The following LIMK1 variants were observed in gnomAD, a reference collection of about 807,000 sequenced individuals.
LIMK1 encodes the protein LIM domain kinase 1, also known as LIM motif-containing protein kinase.
A neutral mutation model predicts 77.6 loss-of-function variants in LIMK1; 21 were observed. That is an observed-to-expected ratio of 0.27 (90% CI 0.19 to 0.39). The LOEUF (loss-of-function observed/expected upper bound fraction) is 0.39. Ranked by LOEUF, LIMK1 falls within the 10% of genes least tolerant of loss-of-function variation. The pLI is 1.00. For synonymous variants in LIMK1, 358 were observed against 370.0 expected, an observed-to-expected ratio of 0.97 and a Z score of 0.37; for missense variants, 696 against 901.6, an observed-to-expected ratio of 0.77 and a Z score of 2.92.
chr7:74,092,399 C>T (rs573153726), intron 2 of LIMK1, among the ~76,000 whole-genome samples: 43 of 152,300 alleles, frequency 2.8e-4, no homozygotes, highest in African/African-American at 1.0e-3. Context: ...CTGCAGGCTG[C>T]TGGAGGGCTC....
Position 74,083,977 on chromosome 7 carries a change from C to A in LIMK1, c.-14C>A, listed in dbSNP as rs1478757952. ...CAGCCCCAGCCCCGCCGGGCCCCGC[C>A]CCCCGTCGAGTGCATGAGGTTGACG... On this transcript the variant is annotated 5_prime_UTR_variant, in exon 1 of 16. Transcript: ENST00000336180. The A allele has an allele frequency of 3.8e-6, 5 of 1,332,048 alleles. No individual in the cohort carries two copies. The highest frequency in any genetic ancestry group is 4.9e-6 in the Non-Finnish European group (5 of 1,019,028). 82.5% of individuals were successfully genotyped at this position (1,332,048 alleles called of 1,614,324 possible). A position where few individuals can be genotyped will look rare whatever the true frequency, so the allele number is the denominator to read the frequency against.
rs556732425 is a variant in LIMK1 at position 74,121,518 on chromosome 7, C to T, written c.*217C>T. The T allele has an allele frequency of 2.0e-5, 11 of 551,626 alleles. No individual in the cohort carries two copies. The highest frequency in any genetic ancestry group is 8.9e-5 in the East Asian group (3 of 33,528). 34.2% of individuals were successfully genotyped at this position (551,626 alleles called of 1,614,324 possible). On this transcript the variant is annotated 3_prime_UTR_variant, in exon 16 of 16. Coordinates refer to ENST00000336180, the MANE Select transcript of LIMK1 (RefSeq NM_002314.4). ...CAGCTGCACACACACACCATGCTCT[C>T]GCCCTGCTGTAACCTCTGTCTTGGC...
chr7:74,116,265 G>A (rs1447792879), intron 13 of LIMK1, among the ~76,000 whole-genome samples: 2 of 36,440 alleles, frequency 5.5e-5, no homozygotes, highest in South Asian at 1.2e-3. Context: ...GCATGGTGGT[G>A]GGTGTAATCC....
rs782157606 is a variant in LIMK1 at position 74,099,001 on chromosome 7, T to C, written c.402-31T>C. On this transcript the variant is annotated intron_variant, in intron 4 of 15. Transcript: ENST00000336180. ...CTGAAATTGATGACGCCCTTGACAC[T>C]CTTTTCTTCCCACCCCGGCGGCTCT... is the stretch of plus-strand genomic sequence containing the variant. 5.7e-6 allele frequency: 9 copies of C among 1,575,660 alleles called. 1 individual carries two copies. The highest frequency in any genetic ancestry group is 7.8e-6 in the Non-Finnish European group (9 of 1,155,532).
intron 4 of LIMK1, 69 bp from the exon 5 acceptor site, chr7:74,098,963 G>T: frequency 7.7e-7 from 1 of 1,294,400 alleles, no homozygotes; most frequent in Non-Finnish European, 1.1e-6. Context: ...TGGGGCTGGG[G>T]GCTGCAGAGA....
In LIMK1 at chr7:74,121,335, CTG is replaced by C; in HGVS notation, c.*35_*36del. ...CACTCAGCTGCCCCTGTCCCCACCT[CTG>C]GAGAATCCACCCCCACCAGATTCCT... On this transcript the variant is annotated 3_prime_UTR_variant, in exon 16 of 16. Coordinates refer to ENST00000336180, the MANE Select transcript of LIMK1 (RefSeq NM_002314.4). The C allele has an allele frequency of 6.6e-7, 1 of 1,520,432 alleles. No individual in the cohort carries two copies. Among genetic ancestry groups the C allele is most frequent in the Non-Finnish European group, 8.8e-7 (1 of 1,133,772 alleles). 94.2% of individuals were successfully genotyped at this position (1,520,432 alleles called of 1,614,324 possible). A position where few individuals can be genotyped will look rare whatever the true frequency, so the allele number is the denominator to read the frequency against.
chr7:74,112,749 C>T (rs1453528518), intron 12 of LIMK1, among the ~76,000 whole-genome samples: 2 of 151,806 alleles, frequency 1.3e-5, no homozygotes, highest in Non-Finnish European at 2.9e-5. Flanking sequence ...GGTGTGAACC[C>T]GGGAGGCGGA....
chr7:74,116,467 C>G (rs545302522), intron 13 of LIMK1, among the ~76,000 whole-genome samples: 1 of 152,044 alleles, frequency 6.6e-6, no homozygotes, highest in Non-Finnish European at 1.5e-5. Flanking sequence ...TCATACAGTT[C>G]TGGAGTCTGA....
chr7:74,088,525 G>T (rs1253372807), intron 2 of LIMK1, among the ~76,000 whole-genome samples: 1 of 152,098 alleles, frequency 6.6e-6, no homozygotes, highest in Admixed American at 6.6e-5. Flanking sequence ...GTCAGGATGG[G>T]GGTGGTGGCT....
chr7:74,091,028 C>T (rs1554694704), intron 2 of LIMK1, among the ~76,000 whole-genome samples: 1 of 152,188 alleles, frequency 6.6e-6, no homozygotes, highest in African/African-American at 2.4e-5. Context: ...ATTCTCCTGC[C>T]TCAGCCTCCC....
chr7:74,106,759 C>CA (rs1183112855), intron 7 of LIMK1, among the ~76,000 whole-genome samples: 12 of 150,390 alleles, frequency 8.0e-5, no homozygotes, highest in Non-Finnish European at 1.2e-4. Flanking sequence ...GACTCTGTCT[C>CA]AAAAAAAAAG....
At position 74,108,985 on chromosome 7, in the gene LIMK1, C is replaced by T. The variant is rs782652593; in HGVS notation, c.1233C>T (p.Phe411=). 6 of 1,613,998 alleles carry T rather than the reference C, an allele frequency of 3.7e-6. No homozygotes were observed. Among genetic ancestry groups the T allele is most frequent in the Non-Finnish European group, 5.1e-6 (6 of 1,180,022 alleles). The part of the protein sequence containing the change: ...GVLYKDKRLN[F]ITEYIKGGTL... Reference sequence around the variant, plus strand: ...TCTACAAGGACAAGAGGCTCAACTTCATCACTGAGTACATCAAGGGCGGCA... The same window carrying T: ...TCTACAAGGACAAGAGGCTCAACTTTATCACTGAGTACATCAAGGGCGGCA... Residue 411 remains phenylalanine (F), a synonymous_variant, in exon 10 of 16, where the codon TTC becomes TTT. Transcript: ENST00000336180.
At chr7:74,114,528 G>C (rs1323004437) in intron 12 of LIMK1, among the ~76,000 whole-genome samples, 1 of 149,362 alleles carries the variant, frequency 6.7e-6, no homozygotes, top group Non-Finnish European at 1.5e-5. Context: ...TCCAGCCTGG[G>C]CCACGGGAGG....
chr7:74,116,344 G>C (rs1799811740), intron 13 of LIMK1, among the ~76,000 whole-genome samples: 1 of 152,136 alleles, frequency 6.6e-6, no homozygotes, highest in South Asian at 2.1e-4. Flanking sequence ...AACCTGGGAG[G>C]CAGAGGTTGC....
chr7:74,090,945 G>A lies in LIMK1; in HGVS notation c.152+5101G>A, dbSNP rs751413548. Among the ~76,000 whole-genome samples, 69 of 151,866 alleles carry A rather than the reference G, an allele frequency of 4.5e-4. 1 individual carries two copies. Among genetic ancestry groups the A allele is most frequent in the Non-Finnish European group, 7.1e-4 (48 of 67,970 alleles). ...TAAAGCGATTTTTTTTTTGAGTCTC[G>A]CTCTGTCGCCCAGGCTGGAGTGCGG... On this transcript the variant is annotated intron_variant, in intron 2 of 15. Coordinates refer to ENST00000336180, the MANE Select transcript of LIMK1 (RefSeq NM_002314.4).
chr7:74,087,642 A>T (rs777876612), intron 2 of LIMK1, among the ~76,000 whole-genome samples: 32 of 149,080 alleles, frequency 2.1e-4, no homozygotes, highest in Non-Finnish European at 3.7e-4. Context: ...CAGGCTGGGG[A>T]GCAGTGGCGC....
At chr7:74,101,801 CATATAT>C (rs10552134) in intron 5 of LIMK1, among the ~76,000 whole-genome samples, 5 of 146,088 alleles carry the variant, frequency 3.4e-5, no homozygotes, top group Non-Finnish European at 3.0e-5. Flanking sequence ...ATATGTATGT[CATATAT>C]ATATATATAT....
Position 74,096,667 on chromosome 7 carries a change from G to T in LIMK1, c.198G>T (p.Lys66Asn). 6.2e-7 allele frequency: 1 copy of T among 1,614,114 alleles called. No homozygotes were observed. Among genetic ancestry groups the T allele is most frequent in the Non-Finnish European group, 8.5e-7 (1 of 1,180,024 alleles). ...SASLSHQYYE[K>N]DGQLFCKKDY... Reference sequence around the variant, plus strand: ...CCCTGTCGCACCAGTACTATGAGAAGGATGGGCAGCTCTTCTGCAAGAAGG... The same window carrying T: ...CCCTGTCGCACCAGTACTATGAGAATGATGGGCAGCTCTTCTGCAAGAAGG... Residue 66 changes from lysine (K) to asparagine (N), a missense_variant, in exon 3 of 16, where the codon AAG becomes AAT. Physicochemically the swap from Lys to Asn is moderately conservative, Grantham distance 94 (BLOSUM62 0). This residue lies in a region of LIMK1 where 252 missense variants were observed against 279.4 expected (regional missense o/e 0.90). Transcript: ENST00000336180.
At position 74,121,349 on chromosome 7, in the gene LIMK1, C is replaced by G. The variant is rs1554700610; in HGVS notation, c.*48C>G. ...TGTCCCCACCTCTGGAGAATCCACC[C>G]CCACCAGATTCCTCCGCGGGAGGTG... is the stretch of plus-strand genomic sequence containing the variant. On this transcript the variant is annotated 3_prime_UTR_variant, in exon 16 of 16. Coordinates refer to ENST00000336180, the MANE Select transcript of LIMK1 (RefSeq NM_002314.4). 1.3e-6 allele frequency: 2 copies of G among 1,482,192 alleles called. No homozygotes were observed. Among genetic ancestry groups the G allele is most frequent in the East Asian group, 2.5e-5 (1 of 40,484 alleles). 91.8% of individuals were successfully genotyped at this position (1,482,192 alleles called of 1,614,324 possible). A position where few individuals can be genotyped will look rare whatever the true frequency, so the allele number is the denominator to read the frequency against.
Sources: gnomAD v4.1 joint callset for allele counts (sites outside exome capture counted in the v4.1 genomes callset) on GRCh38, gnomAD v4.1.1 for gene constraint, gnomAD v4.1.1 regional missense constraint, MANE v1.5 for transcripts, NCBI Gene and HGNC (gene_info 2026-07-23, HGNC 2026-07-21) for gene names.